Variants in LY6E observed in about 807,000 individuals in gnomAD.
LY6E encodes lymphocyte antigen 6E.
Under a neutral mutation model 7.7 loss-of-function variants are expected in LY6E, and 4 were observed. The ratio of observed to expected loss-of-function variants is 0.52; its 90% CI spans 0.25 to 1.18. LY6E has a LOEUF of 1.18. Ranked by LOEUF, LY6E falls within the 50% of genes most tolerant of loss-of-function variation. The pLI is 0.14. For synonymous variants in LY6E, 81 were observed against 80.1 expected (o/e 1.01, Z -0.06); for missense variants, 156 against 168.0 (o/e 0.93, Z 0.40).
At chr8:143,019,827 C>T (rs1450680157) in intron 1 of LY6E, among the ~76,000 whole-genome samples, 1 of 152,228 alleles carries the variant, frequency 6.6e-6, no homozygotes, top group African/African-American at 2.4e-5. Flanking sequence ...AAGGCAGCAG[C>T]CTCCCCCTCC....
rs1819242389 is a variant in LY6E, at chr8:143,022,196, G to C, written c.*407G>C. On this transcript the variant is annotated 3_prime_UTR_variant, in exon 4 of 4. Transcript: ENST00000292494. ...GGCTTCTGGGGGCCATGTTTGGGGA[G>C]GGAGGTGTGCCAGCAGCCTGGAGAG... 4.4e-6 allele frequency: 1 copy of C among 226,432 alleles called. No homozygotes were observed. The highest frequency in any genetic ancestry group is 2.3e-5 in the African/African-American group (1 of 43,886). The allele number at this position is 226,432 out of a possible 1,614,324, so 14.0% of individuals were successfully genotyped here. A position where few individuals can be genotyped will look rare whatever the true frequency, so the allele number is the denominator to read the frequency against.
rs1819235453 is a variant in LY6E at position 143,021,871 on chromosome 8, CT to C, written c.*83del. The C allele has an allele frequency of 1.6e-6, 2 of 1,284,088 alleles. No homozygotes were observed. The highest frequency in any genetic ancestry group is 2.3e-5 in the Admixed American group (1 of 43,980). The allele number at this position is 1,284,088 out of a possible 1,614,324, so 79.5% of individuals were successfully genotyped here. A position where few individuals can be genotyped will look rare whatever the true frequency, so the allele number is the denominator to read the frequency against. ...TGGATCCCACAGTGTATGGGAGCCC[CT>C]GACTCCTCACGTGCCTGATCTGTGC... On this transcript the variant is annotated 3_prime_UTR_variant, in exon 4 of 4. Transcript: ENST00000292494.
chr8:143,021,250 C>A, intron 2 of LY6E, 64 bp from the exon 3 acceptor site: 1 of 1,579,448 alleles, frequency 6.3e-7, no homozygotes, highest in Non-Finnish European at 8.6e-7. Context: ...TAAATGTCCA[C>A]TGGGGTCAGG....
Position 143,022,017 on chromosome 8 carries a change from C to CTG in LY6E, c.*228_*229insTG. The CTG allele has an allele frequency of 3.4e-6, 2 of 588,302 alleles. No homozygotes were observed. Among genetic ancestry groups the CTG allele is most frequent in the South Asian group, 4.2e-5 (2 of 47,404 alleles). 36.4% of individuals were successfully genotyped at this position (588,302 alleles called of 1,614,324 possible). On this transcript the variant is annotated 3_prime_UTR_variant, in exon 4 of 4. Transcript: ENST00000292494. ...GGATGATGTGACCTTCCTTGGGGGA[C>CTG]CGCGGAAGGGACGAGGGTTCCCTGG...
chr8:143,019,803 G>A (rs974301708), intron 1 of LY6E, among the ~76,000 whole-genome samples: 2 of 152,186 alleles, frequency 1.3e-5, no homozygotes, highest in African/African-American at 4.8e-5. Flanking sequence ...TCTGCCCACG[G>A]CTGTCCCTGA....
In LY6E at chr8:143,022,306, G is replaced by A. The variant is rs532675568; in HGVS notation, c.*517G>A. On this transcript the variant is annotated 3_prime_UTR_variant, in exon 4 of 4. Transcript: ENST00000292494. ...GGGGGTTGGGGTTTCTGCCACTTCC[G>A]GGTCTAGGCCCTGCCCCAAATCCAG... 1.6e-4 allele frequency: 25 copies of A among 159,540 alleles called. No homozygotes were observed. In the South Asian group the frequency reaches 2.6e-3, roughly 17 times the overall value. The allele number at this position is 159,540 out of a possible 1,614,324, so 9.9% of individuals were successfully genotyped here.
At chr8:143,021,111 C>A (rs1330530939) in intron 2 of LY6E, 120 bp downstream of exon 2, 2 of 1,278,914 alleles carry the variant, frequency 1.6e-6, no homozygotes, top group Non-Finnish European at 2.2e-6. Context: ...CAGCAGAGGG[C>A]TCACCCGGCC....
At chr8:143,021,283 T>C in intron 2 of LY6E, 31 bp from the exon 3 acceptor site, 2 of 1,607,348 alleles carry the variant, frequency 1.2e-6, no homozygotes, top group South Asian at 2.2e-5. Flanking sequence ...ACTGGAGGCT[T>C]CCCTGAGACA....
In LY6E at chr8:143,021,558, C is replaced by G. The variant is rs373932980; in HGVS notation, c.173-8C>G. 1.9e-6 allele frequency: 3 copies of G among 1,613,654 alleles called. No individual in the cohort carries two copies. The highest frequency in any genetic ancestry group is 2.5e-6 in the Non-Finnish European group (3 of 1,179,932). On this transcript the variant is annotated splice_region_variant and splice_polypyrimidine_tract_variant and intron_variant, in intron 3 of 3. Coordinates refer to ENST00000292494, the MANE Select transcript of LY6E (RefSeq NM_002346.3). The stretch of plus-strand genomic sequence containing the variant: ...GTCTCTCCCCTGACAGCCTCATTTC[C>G]CATGCAGGGAATCTCGTGACATTTG...
At chr8:143,020,237 T>G (rs904384583) in intron 1 of LY6E, 2 of 152,588 alleles carry the variant, frequency 1.3e-5, no homozygotes, top group African/African-American at 4.8e-5. Flanking sequence ...GATGTGTATA[T>G]AGATTTCTCT....
At chr8:143,020,645 G>T (rs1819196261) in intron 1 of LY6E, among the ~76,000 whole-genome samples, 1 of 152,222 alleles carries the variant, frequency 6.6e-6, no homozygotes, top group South Asian at 2.1e-4. Context: ...TTCTGAGAAG[G>T]CTGCTGAGTT....
At position 143,021,605 on chromosome 8, in the gene LY6E, G is replaced by A. The variant is rs139626843; in HGVS notation, c.212G>A (p.Cys71Tyr). The change falls in exon 4 of 4, where the codon TGT becomes TAT. Residue 71 changes from cysteine (C) to tyrosine (Y), a missense_variant. Coordinates refer to ENST00000292494, the MANE Select transcript of LY6E (RefSeq NM_002346.3). ...VTFGHSLSKT[C>Y]SPACPIPEGV... is the part of the protein sequence containing the mutation. ...TTTGGCCACAGCCTGAGCAAGACCT[G>A]TTCCCCGGCCTGCCCCATCCCAGAA... 1 of 1,613,946 alleles carries A rather than the reference G, an allele frequency of 6.2e-7. No homozygotes were observed. Among genetic ancestry groups the A allele is most frequent in the African/African-American group, 1.3e-5 (1 of 75,034 alleles).
rs991679379 is a variant in LY6E, at chr8:143,020,864, A to T, written c.-57-19A>T. ...GGAGTGAGGCACCACCCGGCCCCCT[A>T]ACCAGTGTGTCTCTCCAGAGCAGGA... On this transcript the variant is annotated intron_variant, in intron 1 of 3. Coordinates refer to ENST00000292494, the MANE Select transcript of LY6E (RefSeq NM_002346.3). The T allele has an allele frequency of 2.8e-6, 4 of 1,431,568 alleles. No homozygotes were observed. The South Asian group carries it at 3.6e-5, about 13-fold the overall frequency. The allele number at this position is 1,431,568 out of a possible 1,614,324, so 88.7% of individuals were successfully genotyped here.
intron 1 of LY6E, 88 bp from the exon 2 acceptor site, chr8:143,020,795 G>A (rs745953848): frequency 1.4e-6 from 1 of 699,712 alleles, no homozygotes; most frequent in Non-Finnish European, 2.5e-6. Context: ...CCCCTCTGCT[G>A]TCTGTGTCCT....
In LY6E at chr8:143,021,569, A is replaced by T; in HGVS notation, c.176A>T (p.Asn59Ile). The change falls in exon 4 of 4, where the codon AAT becomes ATT. Residue 59 changes from asparagine to isoleucine, a missense_variant. Coordinates refer to ENST00000292494, the MANE Select transcript of LY6E (RefSeq NM_002346.3). The stretch of plus-strand genomic sequence containing the variant: ...GACAGCCTCATTTCCCATGCAGGGA[A>T]TCTCGTGACATTTGGCCACAGCCTG... ...VTVSASAGIG[N>I]LVTFGHSLSK... The T allele has an allele frequency of 1.2e-6, 2 of 1,613,766 alleles. No individual in the cohort carries two copies. The highest frequency in any genetic ancestry group is 1.7e-6 in the Non-Finnish European group (2 of 1,179,966).
At chr8:143,021,055 C>T in intron 2 of LY6E, 64 bp downstream of exon 2, 1 of 1,570,724 alleles carries the variant, frequency 6.4e-7, no homozygotes, top group Non-Finnish European at 8.7e-7. Flanking sequence ...CCCTCTCCAC[C>T]CCTCTCCCCT....
Position 143,021,804 on chromosome 8 carries a change from T to TC in LY6E, c.*20dup. 6.3e-7 allele frequency: 1 copy of TC among 1,578,020 alleles called. No homozygotes were observed. Among genetic ancestry groups the TC allele is most frequent in the Non-Finnish European group, 8.6e-7 (1 of 1,164,852 alleles). On this transcript the variant is annotated 3_prime_UTR_variant, in exon 4 of 4. Coordinates refer to ENST00000292494, the MANE Select transcript of LY6E (RefSeq NM_002346.3). ...TTGGCCCCTGACCGCCCAGACCCTG[T>TC]CCCCCGATCCCCCAGCTCAGGAAGG... is the stretch of plus-strand genomic sequence containing the variant.
At position 143,021,640 on chromosome 8, in the gene LY6E, G is replaced by A. The variant is rs763812564; in HGVS notation, c.247G>A (p.Val83Ile). The A allele has an allele frequency of 3.1e-6, 5 of 1,613,904 alleles. No homozygotes were observed. The highest frequency in any genetic ancestry group is 4.2e-6 in the Non-Finnish European group (5 of 1,180,044). ...PACPIPEGVN[V>I]GVASMGISCC... ...CTGCCCCATCCCAGAAGGCGTCAAT[G>A]TTGGTGTGGCTTCCATGGGCATCAG... Residue 83 changes from valine (V) to isoleucine (I), a missense_variant, in exon 4 of 4, where the codon GTT becomes ATT. Transcript: ENST00000292494.
chr8:143,021,690 T>C lies in LY6E; in HGVS notation c.297T>C (p.Asn99=). 6.2e-7 allele frequency: 1 copy of C among 1,613,666 alleles called. No homozygotes were observed. The highest frequency in any genetic ancestry group is 8.5e-7 in the Non-Finnish European group (1 of 1,180,024). ...GCTGCTGCCAGAGCTTTCTGTGCAA[T>C]TTCAGTGCGGCCGATGGCGGGCTGC... is the stretch of plus-strand genomic sequence containing the variant. The part of the protein sequence containing the change: ...GISCCQSFLC[N]FSAADGGLRA... Residue 99 remains asparagine (N), a synonymous_variant, in exon 4 of 4, where the codon AAT becomes AAC. Coordinates refer to ENST00000292494, the MANE Select transcript of LY6E (RefSeq NM_002346.3).
Sources: allele counts gnomAD v4.1 joint callset (sites outside exome capture counted in the v4.1 genomes callset), GRCh38; gene constraint gnomAD v4.1.1; transcripts MANE v1.5; gene names NCBI Gene and HGNC (gene_info 2026-07-23, HGNC 2026-07-21).